FAM83G: variants seen among roughly 807,000 people sequenced by gnomAD.
FAM83G encodes protein FAM83G.
FAM83G carries 38 observed loss-of-function variants against 61.5 expected under a neutral mutation model. The ratio of observed to expected loss-of-function variants is 0.62; its 90% CI spans 0.48 to 0.81. The LOEUF is 0.81. FAM83G is among the 30% of genes least tolerant of loss of function. FAM83G has a pLI of 0.00. For synonymous variants in FAM83G, 470 were observed against 476.1 expected (o/e 0.99, Z 0.17); for missense variants, 989 against 1,133.6 (o/e 0.87, Z 1.83).
chr17:18,976,604 A>C, intron 5 of FAM83G: 1 of 490,510 alleles, frequency 2.0e-6, no homozygotes, highest in Non-Finnish European at 3.6e-6. Flanking sequence ...CACCTCCCCT[A>C]TTGACAGGTC....
chr17:18,990,465 A>C (rs914910989), intron 2 of FAM83G, among the ~76,000 whole-genome samples: 5 of 152,164 alleles, frequency 3.3e-5, no homozygotes, highest in African/African-American at 1.2e-4. Flanking sequence ...CCTGGAAAGG[A>C]GCCTAATGAG....
Position 19,003,860 on chromosome 17 carries a change from T to C in FAM83G, c.182A>G (p.Glu61Gly). 2 of 1,612,966 alleles carry C rather than the reference T, an allele frequency of 1.2e-6. No individual in the cohort carries two copies. The highest frequency in any genetic ancestry group is 1.7e-6 in the Non-Finnish European group (2 of 1,179,922). The change falls in exon 2 of 6, where the codon GAG becomes GGG. Residue 61 changes from glutamate to glycine, a missense_variant. Around this residue, in one of 3 missense-constraint regions of FAM83G, gnomAD observed 371 missense variants for 404.5 expected, o/e 0.92. Transcript: ENST00000388995. This position sits in a 1 kb window ranked among gnomAD's most constrained non-coding sequence, Gnocchi z 4.5. ...CTCCAGGATGCGCTTGAGCTCCAGC[T>C]CCGAGAGGAAGTCTCGGATGTTCTC... ...KRENIRDFLS[E>G]LELKRILETI...
chr17:18,977,490 A>G, intron 5 of FAM83G, 94 bp downstream of exon 5: 1 of 1,248,048 alleles, frequency 8.0e-7, no homozygotes, highest in Non-Finnish European at 1.1e-6. Context: ...CATCAGAGTC[A>G]GGGACATGGT....
chr17:18,986,501 A>T (rs2043271667), intron 3 of FAM83G, among the ~76,000 whole-genome samples: 1 of 151,980 alleles, frequency 6.6e-6, no homozygotes, highest in African/African-American at 2.4e-5. Flanking sequence ...CAGTTTCTCC[A>T]TCTGTCTTGT....
rs3751970 is a variant in FAM83G, at chr17:18,970,536, G to C, written c.*823C>G. The C allele has an allele frequency of 0.077, 13,206 of 172,494 alleles. 779 individuals carry two copies. The highest frequency in any genetic ancestry group is 0.28 in the South Asian group (2,032 of 7,198). The allele number at this position is 172,494 out of a possible 1,614,324, so 10.7% of individuals were successfully genotyped here. On this transcript the variant is annotated 3_prime_UTR_variant, in exon 6 of 6. Transcript: ENST00000388995. ...TGTCTCCCTCTTCTCTGTGCCTCAG[G>C]GGGTGGGGCCACATCACCACCAGCC...
At chr17:18,981,867 T>A (rs1399409891) in intron 3 of FAM83G, among the ~76,000 whole-genome samples, 1 of 152,164 alleles carries the variant, frequency 6.6e-6, no homozygotes, top group Non-Finnish European at 1.5e-5. Context: ...GTACCCAACA[T>A]GGAGCACGCT....
Position 18,969,366 on chromosome 17 carries a change from C to T in FAM83G, c.*1993G>A, listed in dbSNP as rs762933035. The stretch of plus-strand genomic sequence containing the variant: ...GGGGGCCTGGCTGCTGTAATCTACA[C>T]GGACGCCCTGCAGACGCTCATCATG... On this transcript the variant is annotated 3_prime_UTR_variant, in exon 6 of 6. Coordinates refer to ENST00000388995, the MANE Select transcript of FAM83G (RefSeq NM_001039999.3). The T allele has an allele frequency of 1.9e-5, 30 of 1,613,542 alleles. 2 individuals are homozygous for T. Among genetic ancestry groups the T allele is most frequent in the Admixed American group, 3.3e-5 (2 of 60,004 alleles).
chr17:18,976,895 T>C (rs947695051), intron 5 of FAM83G: 12 of 1,613,616 alleles, frequency 7.4e-6, no homozygotes, highest in Admixed American at 1.7e-5. Context: ...ACCTGAACCA[T>C]GCCAAGGCGG....
chr17:19,004,782 C>G (rs1184676835), upstream of FAM83G: 1 of 150,466 alleles, frequency 6.6e-6, no homozygotes, highest in Non-Finnish European at 1.5e-5. This position sits in a 1 kb window ranked among gnomAD's most constrained non-coding sequence, Gnocchi z 5.4. Context: ...GGGGGCGCGC[C>G]GGTGACTCAG....
chr17:19,005,749 C>G (rs1730841771), upstream of FAM83G, among the ~76,000 whole-genome samples: 1 of 152,138 alleles, frequency 6.6e-6, no homozygotes, highest in South Asian at 2.1e-4. Context: ...GGCCCAGCAT[C>G]CTTGTGGTCC....
chr17:18,999,557 G>A (rs778497348), intron 2 of FAM83G, among the ~76,000 whole-genome samples: 3 of 152,224 alleles, frequency 2.0e-5, no homozygotes, highest in Non-Finnish European at 2.9e-5. Context: ...ACTTTCCAGA[G>A]TTGTGGGGAG....
At chr17:18,972,881 AAAAG>A (rs1193635470) in intron 5 of FAM83G, among the ~76,000 whole-genome samples, 1 of 151,966 alleles carries the variant, frequency 6.6e-6, no homozygotes. Context: ...AAAAAAAAAA[AAAAG>A]AACAGACCCC....
intron 2 of FAM83G, among the ~76,000 whole-genome samples, chr17:18,990,686 GATCCCCCC>G (rs1378047486): frequency 6.6e-6 from 1 of 152,354 alleles, no homozygotes; most frequent in African/African-American, 2.4e-5. Flanking sequence ...CTCCAAAATG[GATCCCCCC>G]ACAGTCCTGG....
At chr17:18,979,736 A>T in intron 3 of FAM83G, 63 bp from the exon 4 acceptor site, 1 of 1,592,958 alleles carries the variant, frequency 6.3e-7, no homozygotes, top group Non-Finnish European at 8.6e-7. Context: ...GGGCGAGGGG[A>T]GGACGGCAGC....
intron 2 of FAM83G, among the ~76,000 whole-genome samples, chr17:18,992,156 C>T (rs571616111): frequency 9.3e-4 from 142 of 152,280 alleles, no homozygotes; most frequent in South Asian, 6.2e-4. Flanking sequence ...GCGCCCCGCC[C>T]GATGAGCACC....
chr17:18,995,541 G>A (rs1339625274), intron 2 of FAM83G, among the ~76,000 whole-genome samples: 2 of 152,068 alleles, frequency 1.3e-5, no homozygotes, highest in African/African-American at 2.4e-5. Flanking sequence ...GGAAGGGTTG[G>A]GAGTGAGCGA....
At chr17:18,981,688 C>T (rs939111694) in intron 3 of FAM83G, among the ~76,000 whole-genome samples, 1 of 152,172 alleles carries the variant, frequency 6.6e-6, no homozygotes, top group Non-Finnish European at 1.5e-5. Context: ...CTGATGCCCA[C>T]CTGTGGGATA....
intron 3 of FAM83G, among the ~76,000 whole-genome samples, chr17:18,980,346 C>T (rs62076201): frequency 0.017 from 2,584 of 152,234 alleles, 42 homozygotes; most frequent in Non-Finnish European, 0.026. Context: ...TCTGTGCCGG[C>T]TTACACTGTT....
chr17:18,977,020 C>G (rs1286455969), intron 5 of FAM83G: 3 of 1,607,188 alleles, frequency 1.9e-6, no homozygotes, highest in South Asian at 2.2e-5. Context: ...TGAACCCAGG[C>G]TGCAGGGCAC....
Sources: allele counts gnomAD v4.1 joint callset (sites outside exome capture counted in the v4.1 genomes callset), GRCh38; gene constraint gnomAD v4.1.1; regional missense constraint gnomAD v4.1.1; non-coding constraint Gnocchi (gnomAD v3.1); transcripts MANE v1.5; gene names NCBI Gene and HGNC (gene_info 2026-07-23, HGNC 2026-07-21).